Variants in PCDH15 observed in about 807,000 individuals in gnomAD.
PCDH15 encodes the protein protocadherin-15.
A neutral mutation model predicts 178.5 loss-of-function variants in PCDH15; 129 were observed. The observed-to-expected ratio is 0.72, with a 90% confidence interval of 0.63 to 0.84. The LOEUF is 0.84. Ranked by LOEUF, PCDH15 falls within the 40% of genes least tolerant of loss-of-function variation. PCDH15 has a pLI of 0.00. For synonymous variants in PCDH15, 800 were observed against 732.0 expected (o/e 1.09, Z -1.50); for missense variants, 2,230 against 2,099.9 (o/e 1.06, Z -1.21).
At chr10:55,477,578 T>G (rs1241899366) in intron 2 of PCDH15, among the ~76,000 whole-genome samples, 1 of 151,926 alleles carries the variant, frequency 6.6e-6, no homozygotes, top group African/African-American at 2.4e-5. Flanking sequence ...TTATAAATTT[T>G]GGGTGCATGG....
At chr10:54,674,461 C>T (rs1004559830) in intron 1 of PCDH15, among the ~76,000 whole-genome samples, 3 of 152,070 alleles carry the variant, frequency 2.0e-5, no homozygotes, top group African/African-American at 7.2e-5. Context: ...ATCTCAAAAA[C>T]AGTAACTCAA....
chr10:54,529,231 T>C (rs2083671749), intron 2 of PCDH15, among the ~76,000 whole-genome samples: 1 of 152,040 alleles, frequency 6.6e-6, no homozygotes, highest in Non-Finnish European at 1.5e-5. Flanking sequence ...CACTTGTCAA[T>C]ATTGAAGGAG....
chr10:54,441,857 A>G (rs539152779), intron 3 of PCDH15, among the ~76,000 whole-genome samples: 1 of 151,838 alleles, frequency 6.6e-6, no homozygotes, highest in African/African-American at 2.4e-5. Context: ...CTAGAGACAC[A>G]GTAACAGAAG....
chr10:54,797,994 T>C (rs1337600662), intron 1 of PCDH15, among the ~76,000 whole-genome samples: 2 of 152,006 alleles, frequency 1.3e-5, no homozygotes, highest in East Asian at 1.9e-4. Context: ...CTGCCATCCA[T>C]ACATGCAACG....
chr10:54,880,973 G>T (rs1166017829), intron 3 of PCDH15, among the ~76,000 whole-genome samples: 1 of 151,712 alleles, frequency 6.6e-6, no homozygotes, highest in Non-Finnish European at 1.5e-5. Context: ...ACTCCTGTAG[G>T]TTCTCTCCAA....
At chr10:54,049,019 T>C (rs1001836942) in intron 18 of PCDH15, among the ~76,000 whole-genome samples, 2 of 152,152 alleles carry the variant, frequency 1.3e-5, no homozygotes, top group Non-Finnish European at 2.9e-5. Flanking sequence ...TGCTTTTCCA[T>C]TTGTTTGTGC....
intron 2 of PCDH15, among the ~76,000 whole-genome samples, chr10:55,348,595 G>T (rs1844824644): frequency 6.6e-6 from 1 of 152,138 alleles, no homozygotes; most frequent in Non-Finnish European, 1.5e-5. Flanking sequence ...CTAAAATTTA[G>T]AAAGTTGTAT....
chr10:54,498,038 A>T (rs954598458), intron 3 of PCDH15, among the ~76,000 whole-genome samples: 2 of 152,048 alleles, frequency 1.3e-5, no homozygotes, highest in Admixed American at 6.6e-5. Flanking sequence ...AAGAAAAAAA[A>T]TATTAAAGGA....
chr10:55,069,513 T>C (rs1841667237), intron 2 of PCDH15, among the ~76,000 whole-genome samples: 1 of 138,588 alleles, frequency 7.2e-6, no homozygotes, highest in Non-Finnish European at 1.5e-5. Context: ...CACCTATGAG[T>C]GAGAATATGC....
intron 3 of PCDH15, among the ~76,000 whole-genome samples, chr10:54,851,175 C>T (rs1470515780): frequency 6.6e-6 from 1 of 152,036 alleles, no homozygotes; most frequent in African/African-American, 2.4e-5. Flanking sequence ...ACCCCATTCT[C>T]CACAACGTAA....
chr10:55,442,635 TTTTAA>T (rs1359058329), intron 2 of PCDH15, among the ~76,000 whole-genome samples: 2 of 150,992 alleles, frequency 1.3e-5, no homozygotes, highest in African/African-American at 4.9e-5. Flanking sequence ...TTTCTGAAAC[TTTTAA>T]TTAATTAAGC....
chr10:54,104,406 G>A (rs2094870588), intron 15 of PCDH15, among the ~76,000 whole-genome samples: 1 of 152,178 alleles, frequency 6.6e-6, no homozygotes, highest in African/African-American at 2.4e-5. Context: ...GTTGTTGCAG[G>A]TCAGCCACTA....
At chr10:55,591,364 G>T (rs1399197879) in intron 2 of PCDH15, among the ~76,000 whole-genome samples, 2 of 152,178 alleles carry the variant, frequency 1.3e-5, no homozygotes, top group South Asian at 4.1e-4. Context: ...GAGCCCAGGA[G>T]ATGGAGGCTT....
chr10:54,335,359 G>A (rs1411038796), intron 6 of PCDH15, among the ~76,000 whole-genome samples: 1 of 152,164 alleles, frequency 6.6e-6, no homozygotes, highest in Non-Finnish European at 1.5e-5. Context: ...TGACAAAGTG[G>A]TCGCATACTC....
intron 6 of PCDH15, among the ~76,000 whole-genome samples, chr10:54,343,806 A>G (rs1208516905): frequency 6.6e-6 from 1 of 152,040 alleles, no homozygotes; most frequent in Non-Finnish European, 1.5e-5. Flanking sequence ...AATAAAAAAT[A>G]AAAAATAAAA....
chr10:55,162,987 CT>C (rs1369174787), intron 2 of PCDH15, among the ~76,000 whole-genome samples: 1 of 152,140 alleles, frequency 6.6e-6, no homozygotes, highest in Non-Finnish European at 1.5e-5. Context: ...GTTCTACAGA[CT>C]TTTGCATTTC....
At chr10:54,024,755 T>C (rs188005072) in intron 18 of PCDH15, among the ~76,000 whole-genome samples, 1 of 152,306 alleles carries the variant, frequency 6.6e-6, no homozygotes, top group East Asian at 1.9e-4. Context: ...TTTACTTTTA[T>C]ACTTTGCCTA....
chr10:54,406,551 G>T (rs554257009), intron 3 of PCDH15, among the ~76,000 whole-genome samples: 177 of 152,032 alleles, frequency 1.2e-3, no homozygotes, highest in Middle Eastern at 0.01. Context: ...TAGATTGTGA[G>T]CCACATAAAA....
At chr10:54,926,910 T>C (rs1294307161) in intron 2 of PCDH15, among the ~76,000 whole-genome samples, 1 of 152,076 alleles carries the variant, frequency 6.6e-6, no homozygotes, top group East Asian at 1.9e-4. Context: ...CTCCTGGATT[T>C]GTTGAGATTT....
Sources: allele counts gnomAD v4.1 joint callset (sites outside exome capture counted in the v4.1 genomes callset), GRCh38; gene constraint gnomAD v4.1.1; transcripts MANE v1.5; gene names NCBI Gene and HGNC (gene_info 2026-07-23, HGNC 2026-07-21).